The following ARSB variants were observed in gnomAD, a reference collection of about 807,000 sequenced individuals.
The protein encoded by ARSB is N-acetylgalactosamine-4-sulfatase.
A neutral mutation model predicts 50.9 loss-of-function variants in ARSB; 41 were observed. The observed-to-expected ratio is 0.81, with a 90% CI of 0.63 to 1.04. The LOEUF (loss-of-function observed/expected upper bound fraction) is 1.04, where lower values mean the gene tolerates loss of function less well. Ranked by LOEUF, ARSB falls within the 50% of genes least tolerant of loss-of-function variation. The pLI is 0.00. For missense variants in ARSB, 672 were observed against 693.3 expected (o/e 0.97, Z 0.35); for synonymous variants, 269 against 284.8 (o/e 0.94, Z 0.56).
intron 4 of ARSB, among the ~76,000 whole-genome samples, chr5:78,888,217 C>T (rs187251184): frequency 6.6e-6 from 1 of 152,316 alleles, no homozygotes; most frequent in Admixed American, 6.5e-5. Context: ...CAAACATTCA[C>T]TCAGGCCAGT....
At chr5:78,879,885 G>A (rs1178791446) in intron 5 of ARSB, among the ~76,000 whole-genome samples, 7 of 151,958 alleles carry the variant, frequency 4.6e-5, no homozygotes, top group South Asian at 2.1e-4. Context: ...GAATGAGAGC[G>A]GTTTTTTGCT....
chr5:78,798,595 C>T (rs1331546477), intron 6 of ARSB, among the ~76,000 whole-genome samples: 1 of 152,122 alleles, frequency 6.6e-6, no homozygotes, highest in African/African-American at 2.4e-5. Context: ...CTGTGTTGTA[C>T]GGTTCATATT....
At chr5:78,909,949 C>T (rs1039340023) in intron 4 of ARSB, among the ~76,000 whole-genome samples, 4 of 152,228 alleles carry the variant, frequency 2.6e-5, no homozygotes, top group Non-Finnish European at 4.4e-5. Context: ...CGCCCTGTGG[C>T]GGGAGGCGAG....
intron 5 of ARSB, among the ~76,000 whole-genome samples, chr5:78,859,644 C>T (rs907511399): frequency 1.3e-5 from 2 of 151,928 alleles, no homozygotes; most frequent in Non-Finnish European, 2.9e-5. Flanking sequence ...AAACATGATC[C>T]CAAAGAAAGT....
intron 5 of ARSB, among the ~76,000 whole-genome samples, chr5:78,864,682 T>C (rs1185769619): frequency 3.9e-5 from 6 of 152,172 alleles, no homozygotes; most frequent in Non-Finnish European, 7.3e-5. Context: ...CAAAGTCTCA[T>C]CTGAGACAAG....
At chr5:78,801,370 T>C (rs1243604163) in intron 6 of ARSB, among the ~76,000 whole-genome samples, 1 of 151,894 alleles carries the variant, frequency 6.6e-6, no homozygotes, top group Non-Finnish European at 1.5e-5. Flanking sequence ...CAGTCCAGGG[T>C]TGGATTGGTC....
rs773990417 is a variant in ARSB at position 78,964,424 on chromosome 5, GTGGA to G, written c.678_681del (p.Pro227GlnfsTer25). ...ATAGAAGCAAAACTTACCTTCTCTGGTGGATGGTTAGTTATGAGGGCTATAGCCC... is the reference window on the plus strand; with the variant it reads ...ATAGAAGCAAAACTTACCTTCTCTGGTGGTTAGTTATGAGGGCTATAGCCC... On this transcript the variant is annotated frameshift_variant, in exon 3 of 8. Transcript: ENST00000264914. LOFTEE classifies it high-confidence loss of function. 1 of 1,613,812 alleles carries G rather than the reference GTGGA, an allele frequency of 6.2e-7. No individual in the cohort carries two copies. Among genetic ancestry groups the G allele is most frequent in the Middle Eastern group, 1.6e-4 (1 of 6,062 alleles).
At chr5:78,830,014 G>A (rs1260987116) in intron 6 of ARSB, among the ~76,000 whole-genome samples, 4 of 152,200 alleles carry the variant, frequency 2.6e-5, no homozygotes, top group Non-Finnish European at 4.4e-5. Flanking sequence ...GGTGGAAGAC[G>A]GAAGGGGCGG....
chr5:78,963,574 ATTTCAAAAGCATTTATAAGCTAAATCC>A (rs1752087482), intron 3 of ARSB, among the ~76,000 whole-genome samples: 1 of 152,176 alleles, frequency 6.6e-6, no homozygotes. Flanking sequence ...ATTTGTTCCC[ATTTCAAAAGCATTTATAAGCTAAATCC>A]AGAGAACTTA....
At chr5:78,936,126 TCTC>T (rs1274095336) in intron 4 of ARSB, among the ~76,000 whole-genome samples, 6 of 84,502 alleles carry the variant, frequency 7.1e-5, no homozygotes, top group African/African-American at 2.5e-4. Context: ...CCTCTCTCTC[TCTC>T]TTTTTTTTTT....
chr5:78,931,827 T>C lies in ARSB; in HGVS notation c.898+23468A>G, dbSNP rs542088011. Among the ~76,000 whole-genome samples, 14 of 152,130 alleles carry C rather than the reference T, an allele frequency of 9.2e-5. No individual in the cohort carries two copies. In the East Asian group the frequency reaches 2.5e-3, roughly 27 times the overall value. Reference sequence around the variant, plus strand: ...GACCTGGTGGGAGGTGACTGGATCATGGGGGCTGGTTCTCCCATGCTGTTC... The same window carrying C: ...GACCTGGTGGGAGGTGACTGGATCACGGGGGCTGGTTCTCCCATGCTGTTC... On this transcript the variant is annotated intron_variant, in intron 4 of 7. Transcript: ENST00000264914.
intron 5 of ARSB, among the ~76,000 whole-genome samples, chr5:78,865,930 T>G (rs1012414882): frequency 3.9e-5 from 6 of 152,218 alleles, no homozygotes; most frequent in African/African-American, 1.4e-4. Context: ...TTGTCCATAT[T>G]GCTATCAGCA....
chr5:78,826,871 C>A (rs904968214), intron 6 of ARSB, among the ~76,000 whole-genome samples: 6 of 152,140 alleles, frequency 3.9e-5, no homozygotes, highest in African/African-American at 1.4e-4. Flanking sequence ...GGTAACAGGG[C>A]AGAATGGAAG....
chr5:78,807,061 G>A (rs891989843), intron 6 of ARSB, among the ~76,000 whole-genome samples: 1 of 152,238 alleles, frequency 6.6e-6, no homozygotes. Context: ...AATACAGTGA[G>A]TGCAGAGCAT....
chr5:78,984,871 T>G, intron 1 of ARSB, 66 bp downstream of exon 1: 2 of 1,212,036 alleles, frequency 1.7e-6, no homozygotes, highest in Non-Finnish European at 2.1e-6. Flanking sequence ...AAGGGCCGGG[T>G]AGGAGCGGCA....
At chr5:78,808,324 C>G (rs1743660869) in intron 6 of ARSB, among the ~76,000 whole-genome samples, 1 of 151,646 alleles carries the variant, frequency 6.6e-6, no homozygotes, top group Admixed American at 6.6e-5. Context: ...GACAAGGATC[C>G]TTAAAAAAAT....
intron 4 of ARSB, among the ~76,000 whole-genome samples, chr5:78,908,644 C>T (rs1339180307): frequency 6.6e-6 from 1 of 152,144 alleles, no homozygotes; most frequent in Non-Finnish European, 1.5e-5. Context: ...CCACCAGTCT[C>T]CCGGGAGCCA....
intron 6 of ARSB, among the ~76,000 whole-genome samples, chr5:78,831,790 G>A (rs145284316): frequency 1.3e-5 from 2 of 152,148 alleles, no homozygotes; most frequent in Admixed American, 6.5e-5. Context: ...AGCAGGGTGA[G>A]CCCCATGCAT....
At chr5:78,870,759 CA>C (rs1432144456) in intron 5 of ARSB, among the ~76,000 whole-genome samples, 1 of 150,264 alleles carries the variant, frequency 6.7e-6, no homozygotes, top group Non-Finnish European at 1.5e-5. Flanking sequence ...TGGCACAAGA[CA>C]GGGATGCCCT....
Sources: gnomAD v4.1 joint callset for allele counts (sites outside exome capture counted in the v4.1 genomes callset) on GRCh38, gnomAD v4.1.1 for gene constraint, MANE v1.5 for transcripts, NCBI Gene and HGNC (gene_info 2026-07-23, HGNC 2026-07-21) for gene names.